Variants in KCNK1 observed in about 807,000 individuals in gnomAD.
KCNK1 encodes potassium two pore domain channel subfamily K member 1.
KCNK1 carries 10 observed loss-of-function variants against 22.2 expected under a neutral mutation model. The observed-to-expected ratio is 0.45, with a 90% CI of 0.28 to 0.76. KCNK1 has a LOEUF of 0.76. Ranked by LOEUF, KCNK1 falls within the 30% of genes least tolerant of loss-of-function variation. The pLI, the probability that KCNK1 is intolerant of heterozygous loss-of-function variation, is 0.14. For missense variants in KCNK1, 378 were observed against 421.0 expected (o/e 0.90, Z 0.89); for synonymous variants, 200 against 186.4 (o/e 1.07, Z -0.60).
chr1:233,619,581 T>G (rs1571887656), intron 1 of KCNK1, among the ~76,000 whole-genome samples: 1 of 152,178 alleles, frequency 6.6e-6, no homozygotes, highest in Non-Finnish European at 1.5e-5. Context: ...TACAAATGTG[T>G]TGTTACCATC....
chr1:233,652,685 G>C (rs12059045), intron 1 of KCNK1, among the ~76,000 whole-genome samples: 2 of 152,152 alleles, frequency 1.3e-5, no homozygotes, highest in African/African-American at 4.8e-5. Context: ...ACTATCCATA[G>C]ACCACATTCC....
At chr1:233,645,969 T>C (rs2102898323) in intron 1 of KCNK1, among the ~76,000 whole-genome samples, 1 of 152,270 alleles carries the variant, frequency 6.6e-6, no homozygotes, top group East Asian at 1.9e-4. Flanking sequence ...GATTGCCTAA[T>C]ACTGTTACCT....
At chr1:233,634,328 A>G (rs1657860021) in intron 1 of KCNK1, among the ~76,000 whole-genome samples, 1 of 152,088 alleles carries the variant, frequency 6.6e-6, no homozygotes, top group Non-Finnish European at 1.5e-5. Context: ...CAAAAAAAAA[A>G]AAAAAGAAAA....
chr1:233,653,898 G>C (rs1326093049), intron 1 of KCNK1, among the ~76,000 whole-genome samples: 1 of 152,090 alleles, frequency 6.6e-6, no homozygotes, highest in Non-Finnish European at 1.5e-5. Flanking sequence ...CAAGAAGTGG[G>C]AGTGCTTCTA....
intron 1 of KCNK1, among the ~76,000 whole-genome samples, chr1:233,618,820 G>C (rs548003996): frequency 4.6e-4 from 70 of 152,012 alleles, no homozygotes; most frequent in Non-Finnish European, 9.1e-4. Context: ...GGAGGCGGAG[G>C]TTGCAGTGAG....
At chr1:233,631,577 C>T (rs773825459) in intron 1 of KCNK1, 36 of 297,890 alleles carry the variant, frequency 1.2e-4, no homozygotes, top group Admixed American at 5.6e-4. Context: ...ACTAAAGTTA[C>T]CCTACCCTCA....
intron 1 of KCNK1, among the ~76,000 whole-genome samples, chr1:233,633,499 C>T (rs1657840915): frequency 6.6e-6 from 1 of 152,120 alleles, no homozygotes; most frequent in South Asian, 2.1e-4. Flanking sequence ...TCATTACACT[C>T]CTAAACCACC....
chr1:233,661,142 A>G (rs1658386082), intron 1 of KCNK1, among the ~76,000 whole-genome samples: 1 of 152,200 alleles, frequency 6.6e-6, no homozygotes, highest in Admixed American at 6.5e-5. Flanking sequence ...CCTCCTTTCC[A>G]GAACCTACCT....
intron 1 of KCNK1, among the ~76,000 whole-genome samples, chr1:233,633,307 A>T (rs973539064): frequency 6.6e-6 from 1 of 151,834 alleles, no homozygotes. Flanking sequence ...ACATTTTTAG[A>T]AGAAAGCTCC....
In KCNK1 at chr1:233,671,707, G is replaced by A. The variant is rs545756872; in HGVS notation, c.*177G>A. The stretch of plus-strand genomic sequence containing the variant: ...AAAAGACAAATGGAACAAAGAAGCT[G>A]TGACCCCAGCAGGATGTCTAATATG... On this transcript the variant is annotated 3_prime_UTR_variant, in exon 3 of 3. Transcript: ENST00000366621. 314 of 713,848 alleles carry A rather than the reference G, an allele frequency of 4.4e-4. 2 individuals are homozygous for A. The South Asian group carries it at 5.3e-3, about 12-fold the overall frequency. 44.2% of individuals were successfully genotyped at this position (713,848 alleles called of 1,614,324 possible).
intron 1 of KCNK1, among the ~76,000 whole-genome samples, chr1:233,658,277 A>G (rs1658334438): frequency 6.6e-6 from 1 of 152,202 alleles, no homozygotes; most frequent in Non-Finnish European, 1.5e-5. Context: ...GGGGCAAAAT[A>G]AATAATTATA....
At chr1:233,628,496 A>G (rs1160898636) in intron 1 of KCNK1, among the ~76,000 whole-genome samples, 2 of 152,170 alleles carry the variant, frequency 1.3e-5, no homozygotes, top group Non-Finnish European at 2.9e-5. Context: ...GTGGTGGCTC[A>G]CGCCTGGAAT....
chr1:233,659,372 TC>T (rs1382550372), intron 1 of KCNK1, among the ~76,000 whole-genome samples: 1 of 150,840 alleles, frequency 6.6e-6, no homozygotes, highest in Non-Finnish European at 1.5e-5. Flanking sequence ...TCTGAATTCC[TC>T]CTGAAGGACT....
rs548773486 is a variant in KCNK1, at chr1:233,618,321, T to A, written c.355+3795T>A. 9.9e-5 allele frequency among the ~76,000 whole-genome samples: 15 copies of A among 151,170 alleles called. No homozygotes were observed. The Middle Eastern group carries it at 0.017, about 175-fold the overall frequency. ...GTTTTGAGCTTTTCAGAAAGAAGAG[T>A]TGTATACAAAAAAAAAGGAGGTATT... On this transcript the variant is annotated intron_variant, in intron 1 of 2. Coordinates refer to ENST00000366621, the MANE Select transcript of KCNK1 (RefSeq NM_002245.4).
At chr1:233,669,589 T>C (rs979766200) in intron 2 of KCNK1, among the ~76,000 whole-genome samples, 1 of 152,196 alleles carries the variant, frequency 6.6e-6, no homozygotes, top group African/African-American at 2.4e-5. Context: ...GGCTCATGCC[T>C]GTAATCATAG....
intron 1 of KCNK1, among the ~76,000 whole-genome samples, chr1:233,657,002 A>G (rs1658310221): frequency 6.6e-6 from 1 of 152,184 alleles, no homozygotes. Context: ...AGAGAATTAG[A>G]TAGCTTGTTG....
intron 1 of KCNK1, among the ~76,000 whole-genome samples, chr1:233,618,946 A>G (rs1031520229): frequency 2.0e-5 from 3 of 152,344 alleles, no homozygotes; most frequent in Non-Finnish European, 4.4e-5. Context: ...CATGCAGTAT[A>G]CAAACTTTTA....
intron 1 of KCNK1, among the ~76,000 whole-genome samples, chr1:233,619,938 G>T (rs896043767): frequency 2.3e-5 from 3 of 128,682 alleles, no homozygotes; most frequent in African/African-American, 8.5e-5. Context: ...GGGGCGGGGG[G>T]GCAGGGGGGT....
intron 1 of KCNK1, among the ~76,000 whole-genome samples, chr1:233,628,393 C>G (rs983699119): frequency 6.6e-6 from 1 of 152,134 alleles, no homozygotes; most frequent in Admixed American, 6.6e-5. Context: ...CCAAGCCTCA[C>G]CATTATGCAA....
Sources: allele counts gnomAD v4.1 joint callset (sites outside exome capture counted in the v4.1 genomes callset), GRCh38; gene constraint gnomAD v4.1.1; transcripts MANE v1.5; gene names NCBI Gene and HGNC (gene_info 2026-07-23, HGNC 2026-07-21).